ADAMTS9: variants seen among roughly 807,000 people sequenced by gnomAD.
ADAMTS9 encodes the protein A disintegrin and metalloproteinase with thrombospondin motifs 9.
Under a neutral mutation model 257.1 loss-of-function variants are expected in ADAMTS9, and 107 were observed. That is an observed-to-expected ratio of 0.42 (90% confidence interval 0.36 to 0.49). ADAMTS9 has a LOEUF of 0.49. Among genes scored for constraint, ADAMTS9 ranks in the 20% least tolerant of loss-of-function variants. The pLI, the probability that ADAMTS9 is intolerant of heterozygous loss-of-function variation, is 0.03. For synonymous variants in ADAMTS9, 982 were observed against 880.9 expected (o/e 1.11, Z -2.03); for missense variants, 2,353 against 2,469.1 (o/e 0.95, Z 1.00).
intron 18 of ADAMTS9, among the ~76,000 whole-genome samples, chr3:64,621,845 G>T (rs949451255): frequency 1.3e-5 from 2 of 151,426 alleles, no homozygotes; most frequent in African/African-American, 2.4e-5. Context: ...GATTTGGCCT[G>T]CTGGCTGTGG....
intron 28 of ADAMTS9, chr3:64,592,225 C>A (rs1218654837): frequency 2.6e-5 from 4 of 152,172 alleles, no homozygotes; most frequent in Non-Finnish European, 5.9e-5. Flanking sequence ...ACTGTAGAGG[C>A]TTCGCATATT....
At chr3:64,632,180 G>A (rs900988545) in intron 14 of ADAMTS9, among the ~76,000 whole-genome samples, 13 of 152,258 alleles carry the variant, frequency 8.5e-5, no homozygotes, top group African/African-American at 3.1e-4. Context: ...CTGGATCAGA[G>A]TTGGCATTTT....
chr3:64,575,586 G>A (rs1381621727), intron 28 of ADAMTS9, among the ~76,000 whole-genome samples: 1 of 152,126 alleles, frequency 6.6e-6, no homozygotes, highest in Non-Finnish European at 1.5e-5. Flanking sequence ...GGGTGGTGGG[G>A]AGGGTGCTTG....
At chr3:64,529,634 T>C (rs2082951932) in intron 38 of ADAMTS9, among the ~76,000 whole-genome samples, 1 of 152,188 alleles carries the variant, frequency 6.6e-6, no homozygotes, top group South Asian at 2.1e-4. Flanking sequence ...TGAAGTGTGT[T>C]TCATGGAACC....
At chr3:64,596,489 T>C (rs952966184) in intron 27 of ADAMTS9, among the ~76,000 whole-genome samples, 64 of 152,264 alleles carry the variant, frequency 4.2e-4, no homozygotes, top group African/African-American at 1.5e-3. Flanking sequence ...CCCAAAACTA[T>C]GAAGAAGAGG....
At chr3:64,533,743 A>T (rs139693568) in intron 37 of ADAMTS9, among the ~76,000 whole-genome samples, 3 of 152,222 alleles carry the variant, frequency 2.0e-5, no homozygotes, top group Non-Finnish European at 4.4e-5. Flanking sequence ...CACACCGCGT[A>T]CTAAGCACAG....
At chr3:64,599,143 T>C (rs2084414823) in intron 26 of ADAMTS9, among the ~76,000 whole-genome samples, 1 of 152,126 alleles carries the variant, frequency 6.6e-6, no homozygotes, top group South Asian at 2.1e-4. Flanking sequence ...CTGCACATTC[T>C]TGAGCTATCT....
chr3:64,658,859 G>T, intron 3 of ADAMTS9, 68 bp from the exon 4 acceptor site: 1 of 1,486,578 alleles, frequency 6.7e-7, no homozygotes, highest in South Asian at 1.3e-5. Flanking sequence ...AATTTAATTT[G>T]ACACATTTTA....
intron 31 of ADAMTS9, among the ~76,000 whole-genome samples, chr3:64,548,509 A>G (rs778682807): frequency 2.8e-4 from 42 of 152,142 alleles, no homozygotes; most frequent in Non-Finnish European, 5.3e-4. Context: ...TACTAACTTA[A>G]ACAAAGTTGT....
intron 12 of ADAMTS9, among the ~76,000 whole-genome samples, chr3:64,641,290 T>C (rs1223212252): frequency 1.3e-5 from 2 of 151,690 alleles, no homozygotes; most frequent in Non-Finnish European, 2.9e-5. Context: ...TTTTGTTTTG[T>C]TTTTGCTTTT....
chr3:64,600,055 T>TTC (rs1044922610), intron 26 of ADAMTS9, among the ~76,000 whole-genome samples: 6 of 125,838 alleles, frequency 4.8e-5, no homozygotes, highest in African/African-American at 1.6e-4. Context: ...TCTGTTCTTT[T>TTC]TTTTTTTTTT....
At chr3:64,605,916 T>C (rs2084549024) in intron 23 of ADAMTS9, among the ~76,000 whole-genome samples, 1 of 152,236 alleles carries the variant, frequency 6.6e-6, no homozygotes, top group African/African-American at 2.4e-5. Flanking sequence ...TTAAATTCCA[T>C]ACAGCCAACT....
chr3:64,614,089 T>G (rs1267136249), intron 21 of ADAMTS9, among the ~76,000 whole-genome samples: 1 of 152,220 alleles, frequency 6.6e-6, no homozygotes, highest in Non-Finnish European at 1.5e-5. Context: ...TACCCAAGGA[T>G]AACCATTATC....
intron 8 of ADAMTS9, 141 bp from the exon 9 acceptor site, chr3:64,651,304 T>C (rs1700926360): frequency 3.2e-6 from 2 of 616,398 alleles, no homozygotes; most frequent in South Asian, 5.6e-5. Flanking sequence ...GTAAGCAGAA[T>C]AAAATGTAAG....
Position 64,581,734 on chromosome 3 carries a change from T to C in ADAMTS9, c.4356+12524A>G, listed in dbSNP as rs572138163. Among the ~76,000 whole-genome samples, 9 of 152,348 alleles carry C rather than the reference T, an allele frequency of 5.9e-5. No homozygotes were observed. In the South Asian group the frequency reaches 1.9e-3, roughly 32 times the overall value. ...ATTAATTCTGAAAGACAGCATCCACTTCCCTTATGGAAAACCAAGATCTCT... is the reference window on the plus strand; with the variant it reads ...ATTAATTCTGAAAGACAGCATCCACCTCCCTTATGGAAAACCAAGATCTCT... On this transcript the variant is annotated intron_variant, in intron 28 of 39. Coordinates refer to ENST00000498707, the MANE Select transcript of ADAMTS9 (RefSeq NM_182920.2).
chr3:64,575,076 T>C (rs1258013233), intron 28 of ADAMTS9, among the ~76,000 whole-genome samples: 4 of 152,132 alleles, frequency 2.6e-5, no homozygotes, highest in African/African-American at 9.7e-5. Context: ...TCTTGGACAT[T>C]TTTCAGGGTT....
intron 3 of ADAMTS9, among the ~76,000 whole-genome samples, chr3:64,673,975 A>T (rs914712834): frequency 7.9e-5 from 12 of 152,122 alleles, no homozygotes; most frequent in East Asian, 7.7e-4. Flanking sequence ...GATAATTTTT[A>T]AAAAAATTTA....
At chr3:64,652,397 T>C (rs1469266071) in intron 8 of ADAMTS9, among the ~76,000 whole-genome samples, 1 of 152,226 alleles carries the variant, frequency 6.6e-6, no homozygotes, top group African/African-American at 2.4e-5. Flanking sequence ...CTTAAGAATC[T>C]ATTTTCTTAA....
At chr3:64,568,330 C>T (rs777576116) in intron 29 of ADAMTS9, 38 bp downstream of exon 29, 26 of 1,575,506 alleles carry the variant, frequency 1.7e-5, no homozygotes, top group African/African-American at 4.1e-5. Flanking sequence ...CGTGGCCAAA[C>T]GTAAGGAAGC....
Sources: allele counts gnomAD v4.1 joint callset (sites outside exome capture counted in the v4.1 genomes callset), GRCh38; gene constraint gnomAD v4.1.1; transcripts MANE v1.5; gene names NCBI Gene and HGNC (gene_info 2026-07-23, HGNC 2026-07-21).